The following SHISAL2B variants were observed in gnomAD, a reference collection of about 807,000 sequenced individuals.
The protein encoded by SHISAL2B is shisa like 2B.
Under a neutral mutation model 16.5 loss-of-function variants are expected in SHISAL2B, and 12 were observed. That is an observed-to-expected ratio of 0.73 (90% CI 0.47 to 1.18). The LOEUF (loss-of-function observed/expected upper bound fraction) is 1.18. Among genes scored for constraint, SHISAL2B ranks in the 50% most tolerant of loss-of-function variants. The pLI is 0.00. For missense variants in SHISAL2B, 183 were observed against 193.6 expected (o/e 0.95, Z 0.33); for synonymous variants, 72 against 75.0 (o/e 0.96, Z 0.21).
At position 64,713,006 on chromosome 5, in the gene SHISAL2B, A is replaced by G. The variant is rs1348662487; in HGVS notation, c.350-4883A>G. Among the ~76,000 whole-genome samples, 98 of 152,222 alleles carry G rather than the reference A, an allele frequency of 6.4e-4. 1 individual carries two copies. In the East Asian group the frequency reaches 0.017, roughly 26 times the overall value. On this transcript the variant is annotated intron_variant, in intron 2 of 2. Transcript: ENST00000389074. ...GACTCTTTATGCAACTTGCCAGTCT[A>G]TGTCTTTTAATTGGAGAATTTAGTC...
intron 2 of SHISAL2B, among the ~76,000 whole-genome samples, chr5:64,696,141 G>T (rs1269098007): frequency 6.6e-6 from 1 of 152,178 alleles, no homozygotes; most frequent in Non-Finnish European, 1.5e-5. Flanking sequence ...TCTTATGCCT[G>T]TCTTTACTGC....
At chr5:64,692,875 T>C (rs1309590508) in intron 1 of SHISAL2B, among the ~76,000 whole-genome samples, 1 of 152,194 alleles carries the variant, frequency 6.6e-6, no homozygotes, top group Admixed American at 6.5e-5. Context: ...GGAAATAAGG[T>C]CTATTGGACA....
chr5:64,716,844 G>A (rs1418814053), intron 2 of SHISAL2B, among the ~76,000 whole-genome samples: 2 of 152,202 alleles, frequency 1.3e-5, no homozygotes, highest in East Asian at 3.8e-4. Flanking sequence ...TTGGGTGAAT[G>A]GAGGGTTCTC....
In SHISAL2B at chr5:64,694,267, C is replaced by T. The variant is rs559995866; in HGVS notation, c.192-1240C>T. On this transcript the variant is annotated intron_variant, in intron 1 of 2. Transcript: ENST00000389074. ...GAACATTTTCTACAAGCTAAGTTCT[C>T]AAATGCTTTAAATAAGTGTGTACAA... 1.8e-3 allele frequency: 627 copies of T among 354,300 alleles called. 3 individuals carry two copies. Among genetic ancestry groups the T allele is most frequent in the Non-Finnish European group, 3.0e-3 (550 of 181,762 alleles). The allele number at this position is 354,300 out of a possible 1,614,324, so 21.9% of individuals were successfully genotyped here.
intron 2 of SHISAL2B, among the ~76,000 whole-genome samples, chr5:64,704,491 T>A (rs1385521121): frequency 6.6e-6 from 1 of 152,148 alleles, no homozygotes; most frequent in Non-Finnish European, 1.5e-5. Flanking sequence ...ATACAATGAC[T>A]AGAACAACAA....
chr5:64,694,691 T>C (rs1038821238), intron 1 of SHISAL2B, among the ~76,000 whole-genome samples: 49 of 152,382 alleles, frequency 3.2e-4, no homozygotes, highest in Middle Eastern at 3.4e-3. Flanking sequence ...GAACTTGATA[T>C]GAATTTCACA....
At chr5:64,716,204 T>G (rs1450316369) in intron 2 of SHISAL2B, among the ~76,000 whole-genome samples, 2 of 152,250 alleles carry the variant, frequency 1.3e-5, no homozygotes, top group African/African-American at 4.8e-5. Context: ...TAAAAGGTGT[T>G]AATGTCCTAC....
chr5:64,703,781 A>G (rs1189500825), intron 2 of SHISAL2B, among the ~76,000 whole-genome samples: 1 of 152,200 alleles, frequency 6.6e-6, no homozygotes. Flanking sequence ...ATGAGTGACT[A>G]CAGCAAAAGG....
intron 2 of SHISAL2B, among the ~76,000 whole-genome samples, chr5:64,697,825 ACTT>A (rs1741759084): frequency 6.6e-6 from 1 of 152,170 alleles, no homozygotes; most frequent in Non-Finnish European, 1.5e-5. Flanking sequence ...GCATCCTAAA[ACTT>A]CTCATATTAT....
chr5:64,696,769 C>T (rs1210493543), intron 2 of SHISAL2B, among the ~76,000 whole-genome samples: 4 of 152,290 alleles, frequency 2.6e-5, no homozygotes, highest in Non-Finnish European at 4.4e-5. Flanking sequence ...TTGTTTAAGA[C>T]GTTTATCAAG....
rs878954612 is a variant in SHISAL2B at position 64,690,598 on chromosome 5, C to T, written c.-26C>T. ...ATCCGAGAGCAGACCGGGGCCCTCG[C>T]GAGCCTCTCCCGGCCCCTGCCCGCG... On this transcript the variant is annotated 5_prime_UTR_variant, in exon 1 of 3. Coordinates refer to ENST00000389074, the MANE Select transcript of SHISAL2B (RefSeq NM_001164442.2). The T allele has an allele frequency of 2.8e-6, 4 of 1,443,398 alleles. No homozygotes were observed. The South Asian group carries it at 5.6e-5, about 20-fold the overall frequency. 89.4% of individuals were successfully genotyped at this position (1,443,398 alleles called of 1,614,324 possible).
intron 2 of SHISAL2B, among the ~76,000 whole-genome samples, chr5:64,701,040 T>C (rs1580521403): frequency 6.6e-6 from 1 of 152,286 alleles, no homozygotes; most frequent in Middle Eastern, 3.4e-3. Context: ...TTAGCACTGG[T>C]CCATGGCCCA....
At chr5:64,700,729 A>G (rs1391675430) in intron 2 of SHISAL2B, among the ~76,000 whole-genome samples, 1 of 152,114 alleles carries the variant, frequency 6.6e-6, no homozygotes, top group African/African-American at 2.4e-5. Context: ...TATGCCATGA[A>G]TCAGTAGTCT....
chr5:64,694,339 ATTAAAATCTATTTATAGG>A (rs1741698107), intron 1 of SHISAL2B: 4 of 248,356 alleles, frequency 1.6e-5, no homozygotes, highest in South Asian at 4.3e-5. Flanking sequence ...AGTAGAATTG[ATTAAAATCTATTTATAGG>A]TTAAAATCTA....
At chr5:64,691,374 A>T in intron 1 of SHISAL2B, 1 of 138,814 alleles carries the variant, frequency 7.2e-6, no homozygotes, top group Non-Finnish European at 1.5e-5. Flanking sequence ...TATTTTTAAA[A>T]GTGTGTGTGT....
At chr5:64,713,806 A>G (rs1377384564) in intron 2 of SHISAL2B, among the ~76,000 whole-genome samples, 1 of 115,498 alleles carries the variant, frequency 8.7e-6, no homozygotes, top group African/African-American at 4.5e-5. Context: ...TCCATTGCTG[A>G]TACCCTTTCT....
At chr5:64,714,688 C>A (rs1281719625) in intron 2 of SHISAL2B, among the ~76,000 whole-genome samples, 2 of 152,122 alleles carry the variant, frequency 1.3e-5, no homozygotes, top group Non-Finnish European at 2.9e-5. Context: ...TAGCAATCAG[C>A]GAGATTCCGT....
At chr5:64,714,506 C>T (rs1298546577) in intron 2 of SHISAL2B, among the ~76,000 whole-genome samples, 2 of 151,642 alleles carry the variant, frequency 1.3e-5, no homozygotes, top group Non-Finnish European at 2.9e-5. Context: ...TGTCTGTGCC[C>T]TGCCCCCAGA....
At chr5:64,707,752 AAAAAC>A (rs1272498523) in intron 2 of SHISAL2B, among the ~76,000 whole-genome samples, 1 of 152,234 alleles carries the variant, frequency 6.6e-6, no homozygotes, top group Non-Finnish European at 1.5e-5. Flanking sequence ...CTTCACTCTG[AAAAAC>A]AAAACAAAAG....
Sources: gnomAD v4.1 joint callset for allele counts (sites outside exome capture counted in the v4.1 genomes callset) on GRCh38, gnomAD v4.1.1 for gene constraint, MANE v1.5 for transcripts, NCBI Gene and HGNC (gene_info 2026-07-23, HGNC 2026-07-21) for gene names.